Variants in CEP20 observed in about 807,000 individuals in gnomAD.
The protein encoded by CEP20 is FGFR1OP N-terminal like.
Under a neutral mutation model 20.0 loss-of-function variants are expected in CEP20, and 18 were observed. The observed-to-expected ratio is 0.90, with a 90% CI of 0.62 to 1.34. CEP20 has a LOEUF of 1.34. Among genes scored for constraint, CEP20 ranks in the 40% most tolerant of loss-of-function variants. CEP20 has a pLI of 0.00. For synonymous variants in CEP20, 77 were observed against 73.7 expected (o/e 1.04, Z -0.23); for missense variants, 215 against 201.6 (o/e 1.07, Z -0.40).
rs746434262 is a variant in CEP20 at position 15,888,561 on chromosome 16, C to T, written c.25G>A (p.Ala9Thr). The change falls in exon 1 of 5, where the codon GCT (alanine) becomes ACT (threonine). Residue 9 changes from alanine to threonine, a missense_variant. Physicochemically the swap from Ala to Thr is moderately conservative, Grantham distance 58. Coordinates refer to ENST00000255759, the MANE Select transcript of CEP20 (RefSeq NM_144600.4). MATVAELK[A>T]VLKDTLEKKG... Reference sequence around the variant, plus strand: ...AGGCCTCCCTGCTCGCACTCACCAGCCTTCAACTCTGCCACAGTCGCCATT... The same window carrying T: ...AGGCCTCCCTGCTCGCACTCACCAGTCTTCAACTCTGCCACAGTCGCCATT... 6.2e-7 allele frequency: 1 copy of T among 1,614,200 alleles called. No homozygotes were observed. The highest frequency in any genetic ancestry group is 8.5e-7 in the Non-Finnish European group (1 of 1,180,040).
intron 4 of CEP20, among the ~76,000 whole-genome samples, chr16:15,872,126 A>G (rs215564): frequency 6.6e-6 from 1 of 152,126 alleles, no homozygotes; most frequent in Non-Finnish European, 1.5e-5. Context: ...CATCCTGGCT[A>G]ACACAGGGAA....
chr16:15,866,795 C>T lies in CEP20; in HGVS notation c.*645G>A, dbSNP rs940752950. On this transcript the variant is annotated 3_prime_UTR_variant, in exon 5 of 5. Transcript: ENST00000255759. The stretch of plus-strand genomic sequence containing the variant: ...TTACAGCAAATTTACTTCTCCTCTA[C>T]CTTTTAATTAAATCTTCCAGTAAGC... The T allele has an allele frequency of 7.9e-5, 12 of 152,304 alleles. No homozygotes were observed. The highest frequency in any genetic ancestry group is 2.9e-4 in the African/African-American group (12 of 41,566). 9.4% of individuals were successfully genotyped at this position (152,304 alleles called of 1,614,324 possible). A position where few individuals can be genotyped will look rare whatever the true frequency, so the allele number is the denominator to read the frequency against.
Position 15,875,093 on chromosome 16 carries a change from C to T in CEP20, c.312-1466G>A, listed in dbSNP as rs148014685. On this transcript the variant is annotated intron_variant, in intron 3 of 4. Coordinates refer to ENST00000255759, the MANE Select transcript of CEP20 (RefSeq NM_144600.4). ...CGTGACTAAGCCAATCCCAAATCCC[C>T]GAATATTCCACAAATAATCTATGTT... Among the ~76,000 whole-genome samples, 3 of 152,266 alleles carry T rather than the reference C, an allele frequency of 2.0e-5. No homozygotes were observed. In the East Asian group the frequency reaches 5.8e-4, roughly 29 times the overall value.
intron 3 of CEP20, among the ~76,000 whole-genome samples, chr16:15,874,921 A>G (rs1020988729): frequency 7.9e-5 from 12 of 152,140 alleles, no homozygotes; most frequent in Non-Finnish European, 1.8e-4. Flanking sequence ...GCAGCCCTGG[A>G]AAGTTACATG....
At chr16:15,883,896 G>T in intron 2 of CEP20, 112 bp downstream of exon 2, 1 of 835,816 alleles carries the variant, frequency 1.2e-6, no homozygotes, top group Non-Finnish European at 1.8e-6. Context: ...TTGTGTCCCA[G>T]TCACCCAGAT....
intron 2 of CEP20, among the ~76,000 whole-genome samples, chr16:15,882,794 C>CACACAA (rs2045137917): frequency 6.6e-6 from 1 of 151,034 alleles, no homozygotes; most frequent in Non-Finnish European, 1.5e-5. Context: ...TACACACACA[C>CACACAA]ACACACACAA....
chr16:15,877,521 C>T (rs1480814643), intron 3 of CEP20, among the ~76,000 whole-genome samples: 1 of 152,188 alleles, frequency 6.6e-6, no homozygotes, highest in Non-Finnish European at 1.5e-5. Flanking sequence ...AATCCCAACA[C>T]TTTGGAAGGC....
At chr16:15,870,016 G>C (rs2044774938) in intron 4 of CEP20, among the ~76,000 whole-genome samples, 1 of 152,156 alleles carries the variant, frequency 6.6e-6, no homozygotes, top group Non-Finnish European at 1.5e-5. Context: ...ACTCGATTCT[G>C]ATGTTCCTGG....
intron 1 of CEP20, 30 bp downstream of exon 1, chr16:15,888,528 C>G: frequency 6.2e-7 from 1 of 1,614,128 alleles, no homozygotes; most frequent in Non-Finnish European, 8.5e-7. Flanking sequence ...CCGACGCTTC[C>G]CATGTGGAGG....
rs760400607 is a variant in CEP20 at position 15,865,771 on chromosome 16, C to T, written c.*1669G>A. On this transcript the variant is annotated 3_prime_UTR_variant, in exon 5 of 5. Coordinates refer to ENST00000255759, the MANE Select transcript of CEP20 (RefSeq NM_144600.4). ...ATACATTGAAAGTATAAAAAGTTGC[C>T]GCAGTACAAACAAATTACAGAATAA... 3 of 151,906 alleles carry T rather than the reference C, an allele frequency of 2.0e-5. No homozygotes were observed. The highest frequency in any genetic ancestry group is 2.1e-4 in the South Asian group (1 of 4,814). The allele number at this position is 151,906 out of a possible 1,614,324, so 9.4% of individuals were successfully genotyped here.
At chr16:15,869,512 T>C (rs1313776988) in intron 4 of CEP20, among the ~76,000 whole-genome samples, 2 of 152,108 alleles carry the variant, frequency 1.3e-5, no homozygotes, top group Non-Finnish European at 2.9e-5. Flanking sequence ...GGTTTCACCA[T>C]GTTGGCTAGG....
At chr16:15,880,866 A>G (rs572547398) in intron 2 of CEP20, among the ~76,000 whole-genome samples, 2 of 151,194 alleles carry the variant, frequency 1.3e-5, no homozygotes, top group South Asian at 4.2e-4. Context: ...TGGGCTGTGC[A>G]CTCCTTATGA....
intron 1 of CEP20, among the ~76,000 whole-genome samples, chr16:15,887,065 T>A (rs1480203757): frequency 1.3e-5 from 2 of 152,012 alleles, no homozygotes; most frequent in African/African-American, 4.8e-5. Flanking sequence ...CCGGCTCTTT[T>A]TTTTAATTTT....
chr16:15,883,872 A>T (rs1206603166), intron 2 of CEP20, 136 bp downstream of exon 2: 3 of 639,496 alleles, frequency 4.7e-6, no homozygotes, highest in Non-Finnish European at 7.9e-6. Flanking sequence ...CTACAGAAAG[A>T]ACCCATGTGA....
At chr16:15,879,034 T>C (rs1291081775) in intron 3 of CEP20, among the ~76,000 whole-genome samples, 1 of 151,020 alleles carries the variant, frequency 6.6e-6, no homozygotes, top group South Asian at 2.1e-4. Context: ...TTTTTGGCTA[T>C]ACAGGGACTC....
chr16:15,877,001 C>T (rs1028925956), intron 3 of CEP20, among the ~76,000 whole-genome samples: 3 of 151,686 alleles, frequency 2.0e-5, no homozygotes, highest in Admixed American at 6.6e-5. Context: ...TACAGGCATC[C>T]GCCACCTTGC....
intron 4 of CEP20, among the ~76,000 whole-genome samples, chr16:15,872,439 C>A (rs1195259664): frequency 1.3e-5 from 2 of 152,100 alleles, no homozygotes; most frequent in Non-Finnish European, 2.9e-5. Flanking sequence ...GGGCCAGGTA[C>A]AGGCTCGTGC....
chr16:15,873,469 A>C lies in CEP20; in HGVS notation c.448+22T>G, dbSNP rs2044869152. ...AAACATATTTGCTGACAGCTAAATG[A>C]TGAATCTTGGAAAACTCATACCCAT... On this transcript the variant is annotated intron_variant, in intron 4 of 4. Transcript: ENST00000255759. 4 of 1,597,584 alleles carry C rather than the reference A, an allele frequency of 2.5e-6. No individual in the cohort carries two copies. In the Admixed American group the frequency reaches 7.1e-5, roughly 28 times the overall value.
rs756708724 is a variant in CEP20 at position 15,888,591 on chromosome 16, A to C, written c.-6T>G. 2.5e-6 allele frequency: 4 copies of C among 1,613,964 alleles called. No homozygotes were observed. The highest frequency in any genetic ancestry group is 2.5e-6 in the Non-Finnish European group (3 of 1,179,996). ...AACTCTGCCACAGTCGCCATTTTTCAACGGCCGCCAGGGCCGCACCGCGGC... is the reference window on the plus strand; with the variant it reads ...AACTCTGCCACAGTCGCCATTTTTCCACGGCCGCCAGGGCCGCACCGCGGC... On this transcript the variant is annotated 5_prime_UTR_variant, in exon 1 of 5. Transcript: ENST00000255759.
Sources: allele counts gnomAD v4.1 joint callset (sites outside exome capture counted in the v4.1 genomes callset), GRCh38; gene constraint gnomAD v4.1.1; transcripts MANE v1.5; gene names NCBI Gene and HGNC (gene_info 2026-07-23, HGNC 2026-07-21).